PDXDC1: variants seen among roughly 807,000 people sequenced by gnomAD.
PDXDC1 encodes the protein pyridoxal dependent decarboxylase domain containing 1, also known as pyridoxal-dependent decarboxylase domain-containing protein 1.
In PDXDC1, 42 loss-of-function variants were observed where a neutral mutation model predicts 100.1. The observed-to-expected ratio is 0.42, with a 90% CI of 0.33 to 0.54. The LOEUF (loss-of-function observed/expected upper bound fraction) is 0.54, where lower values mean the gene tolerates loss of function less well. Ranked by LOEUF, PDXDC1 falls within the 20% of genes least tolerant of loss-of-function variation. PDXDC1 has a pLI of 0.10. For synonymous variants in PDXDC1, 260 were observed against 371.7 expected, an observed-to-expected ratio of 0.70 and a Z score of 3.46; for missense variants, 636 against 979.2, an observed-to-expected ratio of 0.65 and a Z score of 4.68.
rs139452156 is a variant in PDXDC1, at chr16:15,126,842, G to A, written c.1400-12037G>A. ...CAGCTAAGTTTTTGTATTTGTAGTAGAGACGGGGTTTCATTGTGTTGGCCA... is the reference window on the plus strand; with the variant it reads ...CAGCTAAGTTTTTGTATTTGTAGTAAAGACGGGGTTTCATTGTGTTGGCCA... On this transcript the variant is annotated intron_variant, in intron 16 of 16. Coordinates refer to the PDXDC1 transcript ENST00000535621. 1,418 of 175,698 alleles carry A rather than the reference G, an allele frequency of 8.1e-3. 17 individuals carry two copies. Among genetic ancestry groups the A allele is most frequent in the African/African-American group, 0.03 (1,273 of 41,806 alleles). 10.9% of individuals were successfully genotyped at this position (175,698 alleles called of 1,614,324 possible).
intron 16 of PDXDC1, among the ~76,000 whole-genome samples, chr16:15,030,979 G>T (rs979970448): frequency 6.7e-6 from 1 of 149,706 alleles, no homozygotes; most frequent in Non-Finnish European, 1.5e-5. Flanking sequence ...TAGAAACAGG[G>T]TCTCATTTGT....
intron 16 of PDXDC1, chr16:15,121,793 A>C (rs1163401270): frequency 5.2e-5 from 6 of 116,042 alleles, no homozygotes; most frequent in East Asian, 2.9e-4. Context: ...AGATCTTGAA[A>C]GGGGGTTGGT....
At chr16:15,119,855 G>T (rs1315119370) in intron 16 of PDXDC1, among the ~76,000 whole-genome samples, 1 of 150,802 alleles carries the variant, frequency 6.6e-6, no homozygotes, top group East Asian at 2.0e-4. Context: ...TCAGCCTCCT[G>T]AGTAGCTGGG....
At chr16:15,090,635 T>C (rs2046092867) in intron 16 of PDXDC1, among the ~76,000 whole-genome samples, 1 of 152,178 alleles carries the variant, frequency 6.6e-6, no homozygotes, top group Non-Finnish European at 1.5e-5. Context: ...ATCTCTATTG[T>C]TTTCTTGGTT....
intron 16 of PDXDC1, chr16:15,055,613 C>A: frequency 3.2e-6 from 1 of 313,234 alleles, no homozygotes; most frequent in Non-Finnish European, 5.8e-6. Context: ...CCGGCGTGTC[C>A]CCGAGCCGCA....
intron 16 of PDXDC1, chr16:15,133,365 G>A (rs2048200367): frequency 1.9e-6 from 2 of 1,059,336 alleles, no homozygotes; most frequent in African/African-American, 1.6e-5. Flanking sequence ...AGCCCGTGCA[G>A]CCAGACTGTG....
At chr16:15,001,196 A>C (rs1453873411) in intron 3 of PDXDC1, among the ~76,000 whole-genome samples, 1 of 152,186 alleles carries the variant, frequency 6.6e-6, no homozygotes, top group East Asian at 1.9e-4. Flanking sequence ...TTCTACCAAA[A>C]ATAAAAAAAC....
intron 16 of PDXDC1, 121 bp from the exon 17 acceptor site, chr16:15,031,614 A>C: frequency 1.3e-6 from 1 of 773,348 alleles, no homozygotes; most frequent in Non-Finnish European, 2.1e-6. Flanking sequence ...TTAAATCTCC[A>C]TGGCTCCCGG....
At chr16:15,019,947 C>T (rs1230408045) in intron 12 of PDXDC1, among the ~76,000 whole-genome samples, 1 of 151,970 alleles carries the variant, frequency 6.6e-6, no homozygotes, top group Non-Finnish European at 1.5e-5. Context: ...CCCGTCTCTA[C>T]TAAAAATACA....
At chr16:14,986,930 A>G (rs1969512403) in intron 1 of PDXDC1, among the ~76,000 whole-genome samples, 1 of 152,276 alleles carries the variant, frequency 6.6e-6, no homozygotes, top group African/African-American at 2.4e-5. Flanking sequence ...TATTTTTAGT[A>G]GAGACGGGGT....
intron 8 of PDXDC1, among the ~76,000 whole-genome samples, chr16:15,011,631 C>CTTTTTTTTTTTTTTTTTTTTT: frequency 4.6e-5 from 6 of 131,276 alleles, no homozygotes; most frequent in South Asian, 2.4e-4. Context: ...ACATTTTTTT[C>CTTTTTTTTTTTTTTTTTTTTT]TTTTTTTTTT....
chr16:15,002,250 C>T (rs1437780877), intron 4 of PDXDC1, among the ~76,000 whole-genome samples: 4 of 152,286 alleles, frequency 2.6e-5, no homozygotes, highest in African/African-American at 4.8e-5. Flanking sequence ...TCTCTTGGTT[C>T]AAAATTCAGA....
chr16:15,017,848 A>G (rs1431313524), intron 11 of PDXDC1, among the ~76,000 whole-genome samples: 8 of 151,862 alleles, frequency 5.3e-5, no homozygotes, highest in Middle Eastern at 3.2e-3. Context: ...CTGGAGTGCA[A>G]TGGTGAGATG....
At chr16:15,130,351 A>C in intron 16 of PDXDC1, 3 of 1,559,768 alleles carry the variant, frequency 1.9e-6, no homozygotes, top group South Asian at 2.3e-5. Flanking sequence ...TCCTCGCTGA[A>C]GTACTGGCAC....
At chr16:15,066,841 CTT>C (rs1195900798) in intron 16 of PDXDC1, among the ~76,000 whole-genome samples, 1 of 151,862 alleles carries the variant, frequency 6.6e-6, no homozygotes, top group Admixed American at 6.6e-5. Context: ...TAGGCAGAGA[CTT>C]TTATTTCAAT....
At chr16:15,088,021 G>C (rs1256343914) in intron 16 of PDXDC1, among the ~76,000 whole-genome samples, 1 of 152,114 alleles carries the variant, frequency 6.6e-6, no homozygotes, top group Non-Finnish European at 1.5e-5. Flanking sequence ...GGCTGAGGCA[G>C]GAGAATTGCT....
intron 16 of PDXDC1, chr16:15,127,306 C>T: frequency 1.6e-6 from 1 of 642,430 alleles, no homozygotes; most frequent in South Asian, 1.5e-5. Context: ...CTCTTTCTCC[C>T]TGGTCAGTCT....
At chr16:15,145,249 G>C in the PDXDC1 span, among the ~76,000 whole-genome samples, 1 of 152,236 alleles carries the variant, frequency 6.6e-6, no homozygotes, top group East Asian at 1.9e-4. Context: ...GGAGAGGGCA[G>C]CAGCACAGAT....
chr16:14,984,196 A>C (rs1246581024), intron 1 of PDXDC1, among the ~76,000 whole-genome samples: 1 of 151,416 alleles, frequency 6.6e-6, no homozygotes, highest in African/African-American at 2.4e-5. Context: ...ACCCCAAAAA[A>C]GGTACAGAGC....
Sources: allele counts gnomAD v4.1 joint callset (sites outside exome capture counted in the v4.1 genomes callset), GRCh38; gene constraint gnomAD v4.1.1; transcripts MANE v1.5; gene names NCBI Gene and HGNC (gene_info 2026-07-23, HGNC 2026-07-21).